ZSWIM5: variants seen among roughly 807,000 people sequenced by gnomAD.
The protein encoded by ZSWIM5 is zinc finger SWIM domain-containing protein 5.
In ZSWIM5, 55 loss-of-function variants were observed where a neutral mutation model predicts 119.6. The ratio of observed to expected loss-of-function variants is 0.46; its 90% CI spans 0.37 to 0.58. ZSWIM5 has a LOEUF of 0.58. Among genes scored for constraint, ZSWIM5 ranks in the 20% least tolerant of loss-of-function variants. The pLI is 0.00. For missense variants in ZSWIM5, 1,193 were observed against 1,512.8 expected (o/e 0.79, Z 3.51); for synonymous variants, 537 against 606.9 (o/e 0.88, Z 1.69).
chr1:45,031,577 C>T (rs1171426918), intron 11 of ZSWIM5, among the ~76,000 whole-genome samples: 2 of 151,902 alleles, frequency 1.3e-5, no homozygotes, highest in African/African-American at 2.4e-5. Context: ...CAGTGGCTAA[C>T]GCCTGTAATC....
intron 5 of ZSWIM5, 62 bp from the exon 6 acceptor site, chr1:45,043,457 T>C (rs1165237975): frequency 2.3e-5 from 36 of 1,548,136 alleles, no homozygotes; most frequent in Non-Finnish European, 3.2e-5. Context: ...AAGCCCTGGG[T>C]CTTCTTCAGG....
intron 1 of ZSWIM5, among the ~76,000 whole-genome samples, chr1:45,144,044 A>G (rs1422384689): frequency 6.6e-6 from 1 of 152,196 alleles, no homozygotes; most frequent in African/African-American, 2.4e-5. Flanking sequence ...TGAAGACTCA[A>G]TATAGTGAAG....
intron 11 of ZSWIM5, among the ~76,000 whole-genome samples, chr1:45,023,864 T>C (rs1644903483): frequency 1.3e-5 from 2 of 152,240 alleles, no homozygotes; most frequent in South Asian, 4.1e-4. Context: ...TCCACATCCT[T>C]GTCAGCATTT....
intron 1 of ZSWIM5, among the ~76,000 whole-genome samples, chr1:45,093,608 A>G (rs1318782637): frequency 6.6e-6 from 1 of 152,228 alleles, no homozygotes; most frequent in African/African-American, 2.4e-5. Context: ...GCTCTGGGTA[A>G]GTTTCCTTGT....
At chr1:45,055,222 C>T (rs1023117270) in intron 4 of ZSWIM5, among the ~76,000 whole-genome samples, 12 of 152,136 alleles carry the variant, frequency 7.9e-5, no homozygotes, top group Non-Finnish European at 5.9e-5. Context: ...AATCTCCTGA[C>T]CTCGTGATCC....
intron 4 of ZSWIM5, among the ~76,000 whole-genome samples, chr1:45,056,754 A>G (rs1268129125): frequency 6.6e-6 from 1 of 152,220 alleles, no homozygotes; most frequent in Non-Finnish European, 1.5e-5. Context: ...ACCCAGAGCA[A>G]ACACGTAAGG....
intron 1 of ZSWIM5, among the ~76,000 whole-genome samples, chr1:45,100,612 A>G: frequency 6.6e-6 from 1 of 152,224 alleles, no homozygotes; most frequent in East Asian, 1.9e-4. Flanking sequence ...AGCCAAAAGA[A>G]CAAAGCTGGA....
intron 1 of ZSWIM5, among the ~76,000 whole-genome samples, chr1:45,130,620 G>A (rs137968287): frequency 3.3e-5 from 5 of 152,156 alleles, no homozygotes; most frequent in Non-Finnish European, 5.9e-5. Flanking sequence ...CAGAAAAACC[G>A]AATCACTTGT....
intron 5 of ZSWIM5, among the ~76,000 whole-genome samples, chr1:45,048,978 A>G (rs977717469): frequency 3.9e-5 from 6 of 152,120 alleles, no homozygotes; most frequent in Non-Finnish European, 5.9e-5. Flanking sequence ...CTCACAAAAA[A>G]TATTTGGCTG....
At position 45,027,813 on chromosome 1, in the gene ZSWIM5, G is replaced by A. The variant is rs116827022; in HGVS notation, c.2449+6499C>T. 4.3e-3 allele frequency among the ~76,000 whole-genome samples: 652 copies of A among 152,140 alleles called. 6 individuals are homozygous for A. The highest frequency in any genetic ancestry group is 0.015 in the African/African-American group (627 of 41,500). On this transcript the variant is annotated intron_variant, in intron 11 of 13. Coordinates refer to ENST00000359600, the MANE Select transcript of ZSWIM5 (RefSeq NM_020883.2). ...CCCACCTCAGCCTCCCAAGCCACTG[G>A]GATTATGGGTGTGAGCCACCATGTC...
rs59888189 is a variant in ZSWIM5, at chr1:45,191,297, T to A, written c.595+14459A>T. Among the ~76,000 whole-genome samples the A allele has an allele frequency of 8.5e-3, 1,290 of 152,298 alleles. 19 individuals carry two copies. Among genetic ancestry groups the A allele is most frequent in the African/African-American group, 0.028 (1,156 of 41,566 alleles). On this transcript the variant is annotated intron_variant, in intron 1 of 13. Coordinates refer to ENST00000359600, the MANE Select transcript of ZSWIM5 (RefSeq NM_020883.2). ...TTTGCAGGCTGCCCTTAGAAAAGTATGACCTCAGATGAAGCAGATCTCTGC... is the reference window on the plus strand; with the variant it reads ...TTTGCAGGCTGCCCTTAGAAAAGTAAGACCTCAGATGAAGCAGATCTCTGC...
intron 11 of ZSWIM5, among the ~76,000 whole-genome samples, chr1:45,021,125 T>A (rs1298055083): frequency 6.6e-6 from 1 of 151,944 alleles, no homozygotes; most frequent in Non-Finnish European, 1.5e-5. Flanking sequence ...AAGCTCTGCC[T>A]CCCGGGTTCA....
chr1:45,181,747 A>G (rs1360264943), intron 1 of ZSWIM5, among the ~76,000 whole-genome samples: 3 of 152,188 alleles, frequency 2.0e-5, no homozygotes, highest in Admixed American at 1.3e-4. Flanking sequence ...CAGAAACTCT[A>G]CAAGCCAGAA....
At chr1:45,148,244 G>A (rs1645774857) in intron 1 of ZSWIM5, among the ~76,000 whole-genome samples, 1 of 152,044 alleles carries the variant, frequency 6.6e-6, no homozygotes, top group African/African-American at 2.4e-5. Flanking sequence ...TCAAGAGAGG[G>A]AACACATTTA....
At position 45,157,731 on chromosome 1, in the gene ZSWIM5, T is replaced by C. The variant is rs78030145; in HGVS notation, c.595+48025A>G. Among the ~76,000 whole-genome samples, 1,072 of 152,322 alleles carry C rather than the reference T, an allele frequency of 7.0e-3. 13 individuals carry two copies. Among genetic ancestry groups the C allele is most frequent in the African/African-American group, 0.024 (1,013 of 41,560 alleles). On this transcript the variant is annotated intron_variant, in intron 1 of 13. Coordinates refer to ENST00000359600, the MANE Select transcript of ZSWIM5 (RefSeq NM_020883.2). ...AATACTTAGGAGAATTTCTCGGTCATAGGGTAAGTGTATGTATGGACCTTT... is the reference window on the plus strand; with the variant it reads ...AATACTTAGGAGAATTTCTCGGTCACAGGGTAAGTGTATGTATGGACCTTT...
chr1:45,201,605 A>C (rs949128118), intron 1 of ZSWIM5, among the ~76,000 whole-genome samples: 2 of 152,082 alleles, frequency 1.3e-5, no homozygotes, highest in Non-Finnish European at 2.9e-5. Flanking sequence ...CTTTTCTATA[A>C]TATATTTTTA....
intron 1 of ZSWIM5, among the ~76,000 whole-genome samples, chr1:45,098,295 C>T (rs1196071859): frequency 6.6e-6 from 1 of 152,168 alleles, no homozygotes; most frequent in Non-Finnish European, 1.5e-5. Flanking sequence ...GATTCATATA[C>T]AAAAGGTCAC....
At position 45,155,519 on chromosome 1, in the gene ZSWIM5, G is replaced by T. The variant is rs187368132; in HGVS notation, c.595+50237C>A. Reference sequence around the variant, plus strand: ...GAACTACCATTTCAGCAATCCCACTGCTGGGTATCTACCCAGAGGTAAAGA... The same window carrying T: ...GAACTACCATTTCAGCAATCCCACTTCTGGGTATCTACCCAGAGGTAAAGA... On this transcript the variant is annotated intron_variant, in intron 1 of 13. Coordinates refer to ENST00000359600, the MANE Select transcript of ZSWIM5 (RefSeq NM_020883.2). Among the ~76,000 whole-genome samples the T allele has an allele frequency of 1.8e-3, 271 of 151,148 alleles. 4 individuals are homozygous for T. The highest frequency in any genetic ancestry group is 6.8e-3 in the Middle Eastern group (2 of 294).
chr1:45,028,142 C>T (rs998700034), intron 11 of ZSWIM5, among the ~76,000 whole-genome samples: 36 of 152,322 alleles, frequency 2.4e-4, no homozygotes, highest in Middle Eastern at 3.4e-3. Context: ...TGAGCCACCA[C>T]GCCTGGCTGC....
Sources: gnomAD v4.1 joint callset for allele counts (sites outside exome capture counted in the v4.1 genomes callset) on GRCh38, gnomAD v4.1.1 for gene constraint, MANE v1.5 for transcripts, NCBI Gene and HGNC (gene_info 2026-07-23, HGNC 2026-07-21) for gene names.